LRMDA: variants seen among roughly 807,000 people sequenced by gnomAD.
LRMDA encodes leucine rich melanocyte differentiation associated, also known as leucine-rich melanocyte differentiation-associated protein.
A neutral mutation model predicts 29.8 loss-of-function variants in LRMDA; 18 were observed. That is an observed-to-expected ratio of 0.60 (90% confidence interval 0.42 to 0.90). The LOEUF (loss-of-function observed/expected upper bound fraction) is 0.90, where lower values mean the gene tolerates loss of function less well. Among genes scored for constraint, LRMDA ranks in the 40% least tolerant of loss-of-function variants. The pLI, the probability that LRMDA is intolerant of heterozygous loss-of-function variation, is 0.00. For synonymous variants in LRMDA, 125 were observed against 109.4 expected (o/e 1.14, Z -0.89); for missense variants, 273 against 273.9 (o/e 1.00, Z 0.02).
chr10:76,495,140 T>A, intron 6 of LRMDA, among the ~76,000 whole-genome samples: 1 of 151,932 alleles, frequency 6.6e-6, no homozygotes, highest in East Asian at 1.9e-4. Context: ...TACTTTACAT[T>A]TAAGTGCATA....
At chr10:75,570,306 T>A (rs935280691) in intron 2 of LRMDA, among the ~76,000 whole-genome samples, 1 of 152,204 alleles carries the variant, frequency 6.6e-6, no homozygotes, top group African/African-American at 2.4e-5. Flanking sequence ...ATCTATTTAC[T>A]TACTTAAATA....
chr10:75,729,233 T>A (rs530593815), intron 2 of LRMDA, among the ~76,000 whole-genome samples: 1 of 152,220 alleles, frequency 6.6e-6, no homozygotes, highest in Non-Finnish European at 1.5e-5. Context: ...AATGAATGAG[T>A]GAAGGTGTTT....
intron 4 of LRMDA, among the ~76,000 whole-genome samples, chr10:76,050,331 C>A (rs527787552): frequency 2.0e-5 from 3 of 152,292 alleles, no homozygotes; most frequent in East Asian, 1.9e-4. Flanking sequence ...TCACTTACCC[C>A]CTGTGCACCC....
intron 2 of LRMDA, among the ~76,000 whole-genome samples, chr10:76,018,281 C>A (rs1436927519): frequency 6.6e-6 from 1 of 152,192 alleles, no homozygotes; most frequent in Non-Finnish European, 1.5e-5. Flanking sequence ...TGTTTATCAT[C>A]ATCCCTGGCC....
chr10:75,659,660 T>C (rs1841724798), intron 2 of LRMDA, among the ~76,000 whole-genome samples: 1 of 152,202 alleles, frequency 6.6e-6, no homozygotes, highest in Non-Finnish European at 1.5e-5. Context: ...TGGGCAACTG[T>C]TGGTCAAAGG....
At chr10:75,684,488 T>G (rs1842060272) in intron 2 of LRMDA, among the ~76,000 whole-genome samples, 1 of 152,168 alleles carries the variant, frequency 6.6e-6, no homozygotes, top group African/African-American at 2.4e-5. Flanking sequence ...AGCCAGATAT[T>G]CCTAAGTCTT....
chr10:76,350,898 C>T (rs533557446), intron 6 of LRMDA, among the ~76,000 whole-genome samples: 79 of 152,188 alleles, frequency 5.2e-4, no homozygotes, highest in African/African-American at 1.8e-3. Flanking sequence ...GAAACCACCT[C>T]GTTAATTTCC....
intron 5 of LRMDA, among the ~76,000 whole-genome samples, chr10:76,188,057 A>C (rs998768032): frequency 6.6e-6 from 1 of 152,062 alleles, no homozygotes; most frequent in African/African-American, 2.4e-5. Flanking sequence ...GTGTTATTGC[A>C]ACCTGTCTGG....
At chr10:76,055,077 A>G (rs1272523687) in intron 4 of LRMDA, among the ~76,000 whole-genome samples, 1 of 147,054 alleles carries the variant, frequency 6.8e-6, no homozygotes, top group East Asian at 2.3e-4. Flanking sequence ...AAAAAAAAAA[A>G]AAAAAAAAAA....
chr10:75,765,267 A>G (rs1447074059), intron 2 of LRMDA, among the ~76,000 whole-genome samples: 2 of 151,850 alleles, frequency 1.3e-5, no homozygotes, highest in African/African-American at 4.8e-5. Flanking sequence ...TGTCAGATAC[A>G]AACAAAGACT....
At chr10:75,871,818 T>C (rs1395002622) in intron 2 of LRMDA, among the ~76,000 whole-genome samples, 1 of 152,216 alleles carries the variant, frequency 6.6e-6, no homozygotes. Context: ...CCTACTCACC[T>C]TTACCCTTTG....
intron 5 of LRMDA, among the ~76,000 whole-genome samples, chr10:76,130,638 C>T (rs1267781808): frequency 6.6e-6 from 1 of 152,128 alleles, no homozygotes; most frequent in Non-Finnish European, 1.5e-5. Context: ...GTCTCCCTGC[C>T]TTCTGTGTCT....
chr10:76,202,514 G>A (rs935507734), intron 5 of LRMDA, among the ~76,000 whole-genome samples: 1 of 152,172 alleles, frequency 6.6e-6, no homozygotes, highest in Middle Eastern at 3.4e-3. Flanking sequence ...GAATCCGGAT[G>A]CTGGAGTTTT....
At position 76,142,385 on chromosome 10, in the gene LRMDA, T is replaced by C. The variant is rs145739987; in HGVS notation, c.516+83602T>C. Among the ~76,000 whole-genome samples, 14 of 152,266 alleles carry C rather than the reference T, an allele frequency of 9.2e-5. No individual in the cohort carries two copies. In the East Asian group the frequency reaches 2.7e-3, roughly 29 times the overall value. ...GTGGTCCTCTTCAGTGTAATCATTA[T>C]CTTGAATTTTGTGTGTAATATGCCA... On this transcript the variant is annotated intron_variant, in intron 5 of 6. Transcript: ENST00000611255.
At chr10:76,271,265 GGGTGT>G (rs1840065077) in intron 5 of LRMDA, among the ~76,000 whole-genome samples, 1 of 152,116 alleles carries the variant, frequency 6.6e-6, no homozygotes, top group Admixed American at 6.5e-5. Flanking sequence ...AAAATTAGCT[GGGTGT>G]GGTGGCATGC....
At chr10:76,055,744 G>C (rs1409725519) in intron 4 of LRMDA, among the ~76,000 whole-genome samples, 1 of 152,230 alleles carries the variant, frequency 6.6e-6, no homozygotes, top group African/African-American at 2.4e-5. Flanking sequence ...TCCCTGTGAG[G>C]CTGCATCTGG....
At chr10:75,794,894 T>A (rs1191526452) in intron 2 of LRMDA, among the ~76,000 whole-genome samples, 1 of 152,182 alleles carries the variant, frequency 6.6e-6, no homozygotes, top group African/African-American at 2.4e-5. Context: ...ACTTCTTAAA[T>A]GGTGCCTTTT....
chr10:75,458,632 A>G (rs1432494779), intron 2 of LRMDA, among the ~76,000 whole-genome samples: 3 of 152,218 alleles, frequency 2.0e-5, no homozygotes, highest in African/African-American at 7.2e-5. Context: ...ATTTTTATCT[A>G]GTTGTACCTC....
chr10:75,637,188 T>TTCTCATTGGTTA (rs1841399813), intron 2 of LRMDA, among the ~76,000 whole-genome samples: 1 of 152,224 alleles, frequency 6.6e-6, no homozygotes, highest in African/African-American at 2.4e-5. Context: ...TGGTGTTGGG[T>TTCTCATTGGTTA]CATGACTTAC....
Sources: gnomAD v4.1 joint callset for allele counts (sites outside exome capture counted in the v4.1 genomes callset) on GRCh38, gnomAD v4.1.1 for gene constraint, MANE v1.5 for transcripts, NCBI Gene and HGNC (gene_info 2026-07-23, HGNC 2026-07-21) for gene names.